ARHGEF4: variants seen among roughly 807,000 people sequenced by gnomAD.
The protein encoded by ARHGEF4 is Rho guanine nucleotide exchange factor 4, also known as APC-stimulated guanine nucleotide exchange factor 1.
In ARHGEF4, 119 loss-of-function variants were observed where a neutral mutation model predicts 162.0. That is an observed-to-expected ratio of 0.73 (90% CI 0.63 to 0.86). The LOEUF (loss-of-function observed/expected upper bound fraction) is 0.86. Among genes scored for constraint, ARHGEF4 ranks in the 40% least tolerant of loss-of-function variants. ARHGEF4 has a pLI of 0.00. For missense variants in ARHGEF4, 2,488 were observed against 2,456.0 expected, an observed-to-expected ratio of 1.01 and a Z score of -0.28; for synonymous variants, 1,014 against 979.9, an observed-to-expected ratio of 1.03 and a Z score of -0.65.
intron 1 of ARHGEF4, among the ~76,000 whole-genome samples, chr2:130,847,931 T>C (rs1681110793): frequency 6.6e-6 from 1 of 152,020 alleles, no homozygotes; most frequent in Non-Finnish European, 1.5e-5. Flanking sequence ...CAGGAGTGTG[T>C]GGGATTGGAG....
At chr2:130,893,734 C>T (rs980196451) in intron 1 of ARHGEF4, among the ~76,000 whole-genome samples, 5 of 152,170 alleles carry the variant, frequency 3.3e-5, no homozygotes, top group Non-Finnish European at 5.9e-5. Flanking sequence ...CTGTTTTGAT[C>T]GATCAGATGT....
chr2:130,879,245 A>G (rs894757863), intron 1 of ARHGEF4, among the ~76,000 whole-genome samples: 1 of 152,180 alleles, frequency 6.6e-6, no homozygotes, highest in Non-Finnish European at 1.5e-5. Flanking sequence ...CTTTTTAATT[A>G]TGTATTAATT....
At chr2:130,924,532 C>T (rs558915581) in intron 2 of ARHGEF4, among the ~76,000 whole-genome samples, 9 of 152,252 alleles carry the variant, frequency 5.9e-5, no homozygotes, top group Middle Eastern at 3.4e-3. Context: ...AGTATTTCTG[C>T]GTGTGTGTAT....
At chr2:130,913,474 A>G (rs1480625074) in intron 1 of ARHGEF4, among the ~76,000 whole-genome samples, 6 of 152,160 alleles carry the variant, frequency 3.9e-5, no homozygotes, top group Admixed American at 3.9e-4. Flanking sequence ...TGCAACTTCG[A>G]TCATTCTCAT....
intron 5 of ARHGEF4, among the ~76,000 whole-genome samples, chr2:131,031,062 A>G (rs1689818314): frequency 6.6e-6 from 1 of 152,230 alleles, no homozygotes; most frequent in Non-Finnish European, 1.5e-5. Flanking sequence ...TTGCCCTAAA[A>G]TCACACATTC....
chr2:130,906,387 T>G (rs1389770370), intron 1 of ARHGEF4, among the ~76,000 whole-genome samples: 1 of 152,250 alleles, frequency 6.6e-6, no homozygotes, highest in Non-Finnish European at 1.5e-5. Flanking sequence ...TATCTGCCTA[T>G]TGATCTGTGT....
At chr2:131,035,350 G>A in intron 5 of ARHGEF4, 1 of 1,108,424 alleles carries the variant, frequency 9.0e-7, no homozygotes, top group Non-Finnish European at 1.1e-6. Context: ...ACTGGTCGCG[G>A]AGGGAAGGCC....
intron 4 of ARHGEF4, among the ~76,000 whole-genome samples, chr2:130,958,259 A>G (rs13009818): frequency 0.98 from 149,493 of 152,236 alleles, 73,448 homozygotes; most frequent in Middle Eastern, 1. Flanking sequence ...CTGTAGTCTG[A>G]AGTGGAGTCT....
chr2:130,990,322 AAAAG>A (rs1341939865), intron 4 of ARHGEF4, among the ~76,000 whole-genome samples: 2 of 152,160 alleles, frequency 1.3e-5, no homozygotes, highest in Non-Finnish European at 2.9e-5. Context: ...GCATTGGTAA[AAAAG>A]AAAAAAGAAT....
At chr2:130,907,233 G>A (rs1312089917) in intron 1 of ARHGEF4, among the ~76,000 whole-genome samples, 2 of 18,188 alleles carry the variant, frequency 1.1e-4, no homozygotes, top group Non-Finnish European at 3.3e-4. Flanking sequence ...TTTTTTTTGA[G>A]ACAGAGTCTC....
intron 4 of ARHGEF4, chr2:131,011,755 G>A (rs755902172): frequency 9.7e-7 from 1 of 1,031,418 alleles, no homozygotes; most frequent in South Asian, 1.3e-5. Flanking sequence ...CTGTCACTCT[G>A]AAGCAGCTCT....
rs770813498 is a variant in ARHGEF4 at position 130,992,321 on chromosome 2, TTCGCTCTTTGCAATAAATCTTGCTACTGC to T, written c.3986-35621_3986-35593del. 2.0e-3 allele frequency among the ~76,000 whole-genome samples: 300 copies of T among 152,262 alleles called. 1 individual carries two copies. The highest frequency in any genetic ancestry group is 1.9e-3 in the Non-Finnish European group (128 of 68,012). On this transcript the variant is annotated intron_variant, in intron 4 of 13. Coordinates refer to ENST00000409359, the MANE Select transcript of ARHGEF4 (RefSeq NM_001367493.1). The stretch of plus-strand genomic sequence containing the variant: ...TTCCACACTGTGGAAGCTTTATTCT[TTCGCTCTTTGCAATAAATCTTGCTACTGC>T]TCACTCTTTGGGTCCATGCTGCTTT...
At chr2:130,839,862 ACT>A (rs1198693752) in intron 1 of ARHGEF4, among the ~76,000 whole-genome samples, 1 of 151,736 alleles carries the variant, frequency 6.6e-6, no homozygotes, top group African/African-American at 2.4e-5. Flanking sequence ...TGTATGTCCT[ACT>A]CTCTGGTACA....
intron 2 of ARHGEF4, among the ~76,000 whole-genome samples, chr2:130,929,144 G>A (rs1455054294): frequency 1.3e-5 from 2 of 152,176 alleles, no homozygotes; most frequent in African/African-American, 4.8e-5. Context: ...AGTTTCTAAG[G>A]GAGAAGAAAC....
Position 130,915,979 on chromosome 2 carries a change from C to T in ARHGEF4, c.2033C>T (p.Pro678Leu). 5 of 1,550,536 alleles carry T rather than the reference C, an allele frequency of 3.2e-6. No homozygotes were observed. The highest frequency in any genetic ancestry group is 4.4e-6 in the Non-Finnish European group (5 of 1,146,966). ...LSTGETPCES[P>L]TRGKTPAGNE... ...ACTGGCGAGACCCCCTGTGAGTCTC[C>T]CACTAGGGGGAAAACACCAGCCGGT... Residue 678 changes from proline (P) to leucine (L), a missense_variant, in exon 2 of 14, where the codon CCC becomes CTC. By Grantham distance (98) the Pro-to-Leu change is moderately conservative (BLOSUM62 -3). Around this residue, in one of 6 missense-constraint regions of ARHGEF4, gnomAD observed 1,642 missense variants for 1,481.5 expected, o/e 1.11. Coordinates refer to ENST00000409359, the MANE Select transcript of ARHGEF4 (RefSeq NM_001367493.1).
At position 130,917,483 on chromosome 2, in the gene ARHGEF4, CCTT is replaced by C. The variant is rs1438446112; in HGVS notation, c.3539_3541del (p.Leu1180del). 2.1e-5 allele frequency: 32 copies of C among 1,549,520 alleles called. No homozygotes were observed. Among genetic ancestry groups the C allele is most frequent in the Non-Finnish European group, 2.6e-5 (30 of 1,146,644 alleles). ...TGGGCACAGTGCCCTGGCTCAGGGA[CCTT>C]CCTGGGAGTGAGGTGAGTATCTGAA... On this transcript the variant is annotated inframe_deletion, in exon 2 of 14. Transcript: ENST00000409359.
At chr2:130,948,688 A>C (rs1237106158) in intron 4 of ARHGEF4, among the ~76,000 whole-genome samples, 1 of 152,278 alleles carries the variant, frequency 6.6e-6, no homozygotes, top group Non-Finnish European at 1.5e-5. Context: ...TGGAAGTCAG[A>C]GGTCAGGGCT....
Position 131,043,437 on chromosome 2 carries a change from T to C in ARHGEF4, c.5026-15T>C, listed in dbSNP as rs753590857. 17 of 1,613,534 alleles carry C rather than the reference T, an allele frequency of 1.1e-5. No homozygotes were observed. Among genetic ancestry groups the C allele is most frequent in the African/African-American group, 6.7e-5 (5 of 74,928 alleles). Reference sequence around the variant, plus strand: ...GGGTATGCGAGGCTCATGGTTCTCCTTGGGATCTTCCCAGGGAGAAGATCT... The same window carrying C: ...GGGTATGCGAGGCTCATGGTTCTCCCTGGGATCTTCCCAGGGAGAAGATCT... On this transcript the variant is annotated splice_polypyrimidine_tract_variant and intron_variant, in intron 10 of 13. Transcript: ENST00000409359.
rs1287192028 is a variant in ARHGEF4 at position 130,862,957 on chromosome 2, G to A, written c.39+25965G>A. ...CAGTCCTTACAGGCCGAGTGTGGTGGCTCATGCTTGTAATCCCAGTACTTA... is the reference window on the plus strand; with the variant it reads ...CAGTCCTTACAGGCCGAGTGTGGTGACTCATGCTTGTAATCCCAGTACTTA... On this transcript the variant is annotated intron_variant, in intron 1 of 13. Transcript: ENST00000409359. Among the ~76,000 whole-genome samples, 31 of 77,786 alleles carry A rather than the reference G, an allele frequency of 4.0e-4. No homozygotes were observed. In the South Asian group the frequency reaches 0.01, roughly 26 times the overall value. The allele number at this position is 77,786 out of a possible 152,430, so 51.0% of individuals were successfully genotyped here.
Sources: allele counts gnomAD v4.1 joint callset (sites outside exome capture counted in the v4.1 genomes callset), GRCh38; gene constraint gnomAD v4.1.1; regional missense constraint gnomAD v4.1.1; transcripts MANE v1.5; gene names NCBI Gene and HGNC (gene_info 2026-07-23, HGNC 2026-07-21).